Variants in TRIO observed in about 807,000 individuals in gnomAD.
TRIO encodes trio Rho guanine nucleotide exchange factor, also known as triple functional domain protein.
Under a neutral mutation model 351.9 loss-of-function variants are expected in TRIO, and 58 were observed. The observed-to-expected ratio is 0.16, with a 90% confidence interval of 0.13 to 0.21. The LOEUF (loss-of-function observed/expected upper bound fraction) is 0.21. Ranked by LOEUF, TRIO falls within the 10% of genes least tolerant of loss-of-function variation. The pLI is 1.00. For missense variants in TRIO, 3,201 were observed against 4,027.8 expected, an observed-to-expected ratio of 0.79 and a Z score of 5.56; for synonymous variants, 1,758 against 1,595.7, an observed-to-expected ratio of 1.10 and a Z score of -2.42.
intron 1 of TRIO, among the ~76,000 whole-genome samples, chr5:14,237,315 G>A (rs1435919078): frequency 1.3e-5 from 2 of 152,210 alleles, no homozygotes. Flanking sequence ...GAGCATTTTA[G>A]ATTTTGGACT....
chr5:14,447,228 C>A (rs1752505042), intron 34 of TRIO, among the ~76,000 whole-genome samples: 1 of 151,986 alleles, frequency 6.6e-6, no homozygotes, highest in Non-Finnish European at 1.5e-5. Context: ...CGAGACTGTC[C>A]CATAAATAAA....
chr5:14,234,954 G>A (rs942915505), intron 1 of TRIO, among the ~76,000 whole-genome samples: 3 of 152,066 alleles, frequency 2.0e-5, no homozygotes, highest in African/African-American at 7.2e-5. Flanking sequence ...CTTTTAAAAT[G>A]TTATTTTATT....
chr5:14,473,881 G>A, intron 39 of TRIO, 113 bp from the exon 40 acceptor site: 2 of 972,764 alleles, frequency 2.1e-6, no homozygotes, highest in East Asian at 5.1e-5. Context: ...CAAAGAACTG[G>A]TTACAAGACA....
At chr5:14,419,618 A>G (rs1414838562) in intron 33 of TRIO, among the ~76,000 whole-genome samples, 160 bp from the exon 34 acceptor site, 2 of 152,212 alleles carry the variant, frequency 1.3e-5, no homozygotes, top group Admixed American at 6.5e-5. Context: ...ATGAAAAATC[A>G]TATTTTCATA....
Position 14,406,617 on chromosome 5 carries a change from C to T in TRIO, c.4904C>T (p.Pro1635Leu), listed in dbSNP as rs1748741954. ...LDSQGDGSSQPDTISIASRTS... is the reference protein window; with the variant it reads ...LDSQGDGSSQLDTISIASRTS... ...AGCCAAGGAGACGGCAGCAGCCAGC[C>T]TGATACGATTTCCATCGCCTCACGG... The change falls in exon 33 of 57, where the codon CCT (proline) becomes CTT (leucine). Residue 1635 changes from proline (P) to leucine (L), a missense_variant. Transcript: ENST00000344204. 6.2e-7 allele frequency: 1 copy of T among 1,614,018 alleles called. No individual in the cohort carries two copies. The highest frequency in any genetic ancestry group is 1.7e-5 in the Admixed American group (1 of 60,006).
chr5:14,371,642 GT>G (rs1289456867), intron 18 of TRIO, among the ~76,000 whole-genome samples: 324 of 141,924 alleles, frequency 2.3e-3, no homozygotes, highest in Admixed American at 2.4e-3. Context: ...TTCTGTAAAT[GT>G]TTTTTTTTTT....
intron 19 of TRIO, among the ~76,000 whole-genome samples, chr5:14,376,281 AT>A (rs1016558471): frequency 6.6e-6 from 1 of 152,076 alleles, no homozygotes; most frequent in African/African-American, 2.4e-5. Context: ...AGTCTTGGGA[AT>A]TTTTTTCTTA....
chr5:14,270,591 C>A (rs370278004), intron 1 of TRIO, among the ~76,000 whole-genome samples: 1 of 152,126 alleles, frequency 6.6e-6, no homozygotes, highest in Non-Finnish European at 1.5e-5. Context: ...TGACTCAGAG[C>A]GAGCCTTTTG....
chr5:14,164,554 G>T (rs1788652929), intron 1 of TRIO, among the ~76,000 whole-genome samples: 1 of 152,238 alleles, frequency 6.6e-6, no homozygotes, highest in Non-Finnish European at 1.5e-5. Flanking sequence ...CAAAGGCTCT[G>T]TTGTGCCACG....
intron 47 of TRIO, among the ~76,000 whole-genome samples, chr5:14,487,063 T>G (rs762785554): frequency 1.3e-5 from 2 of 152,230 alleles, no homozygotes; most frequent in East Asian, 1.9e-4. Context: ...AGGGCTGTGT[T>G]CAGCCTGCAG....
intron 11 of TRIO, among the ~76,000 whole-genome samples, chr5:14,354,754 C>T (rs561073611): frequency 6.6e-6 from 1 of 152,312 alleles, no homozygotes; most frequent in East Asian, 1.9e-4. Context: ...GCTAACTATG[C>T]AGAGTCCCCT....
In TRIO at chr5:14,297,036, C is replaced by T. The variant is rs763825436; in HGVS notation, c.1177-36C>T. The T allele has an allele frequency of 3.2e-6, 5 of 1,587,040 alleles. No individual in the cohort carries two copies. The African/African-American group carries it at 4.0e-5, about 13-fold the overall frequency. ...TAGAAGGGAGCCTCCTATTTGCTCT[C>T]CCCTAAGGAGCCCTCTTTTCCTGCC... is the stretch of plus-strand genomic sequence containing the variant. On this transcript the variant is annotated intron_variant, in intron 6 of 56. Coordinates refer to ENST00000344204, the MANE Select transcript of TRIO (RefSeq NM_007118.4).
intron 8 of TRIO, among the ~76,000 whole-genome samples, chr5:14,315,536 A>T (rs1739310467): frequency 6.6e-6 from 1 of 151,152 alleles, no homozygotes; most frequent in South Asian, 2.1e-4. Flanking sequence ...CAGGCGAGAG[A>T]CACCACACCC....
At chr5:14,259,857 C>T (rs1183881767) in intron 1 of TRIO, among the ~76,000 whole-genome samples, 2 of 151,846 alleles carry the variant, frequency 1.3e-5, no homozygotes, top group Non-Finnish European at 2.9e-5. Context: ...TGCTACAAGG[C>T]TGTCTGGCCT....
intron 48 of TRIO, 128 bp from the exon 49 acceptor site, chr5:14,492,439 C>T (rs549853755): frequency 4.7e-6 from 6 of 1,267,356 alleles, no homozygotes; most frequent in African/African-American, 3.0e-5. Context: ...GAAAATTTCT[C>T]GGTGCTTGCC....
At chr5:14,201,795 A>G (rs1243268613) in intron 1 of TRIO, among the ~76,000 whole-genome samples, 1 of 152,176 alleles carries the variant, frequency 6.6e-6, no homozygotes, top group Non-Finnish European at 1.5e-5. Flanking sequence ...TACAGAAATG[A>G]TTAAAAATCT....
At chr5:14,414,628 A>T (rs1024468697) in intron 33 of TRIO, among the ~76,000 whole-genome samples, 13 of 149,410 alleles carry the variant, frequency 8.7e-5, no homozygotes, top group East Asian at 1.9e-4. Context: ...AATTGTGGTT[A>T]AAAAAAAAAT....
intron 1 of TRIO, among the ~76,000 whole-genome samples, chr5:14,174,095 C>G (rs546591622): frequency 6.6e-6 from 1 of 152,304 alleles, no homozygotes; most frequent in South Asian, 2.1e-4. Context: ...GAGAGATCCA[C>G]TTGATAGAGC....
intron 46 of TRIO, 118 bp from the exon 47 acceptor site, chr5:14,484,951 G>A (rs1561544128): frequency 1.9e-6 from 2 of 1,079,012 alleles, no homozygotes; most frequent in Non-Finnish European, 2.5e-6. Context: ...TCCTCATTAA[G>A]GCTGAAAAAC....
Sources: gnomAD v4.1 joint callset for allele counts (sites outside exome capture counted in the v4.1 genomes callset) on GRCh38, gnomAD v4.1.1 for gene constraint, MANE v1.5 for transcripts, NCBI Gene and HGNC (gene_info 2026-07-23, HGNC 2026-07-21) for gene names.